Variants in MGMT observed in about 807,000 individuals in gnomAD.
MGMT encodes methylated-DNA--protein-cysteine methyltransferase.
Under a neutral mutation model 15.9 loss-of-function variants are expected in MGMT, and 14 were observed. The ratio of observed to expected loss-of-function variants is 0.88; its 90% CI spans 0.58 to 1.37. The LOEUF (loss-of-function observed/expected upper bound fraction) is 1.37. Among genes scored for constraint, MGMT ranks in the 40% most tolerant of loss-of-function variants. MGMT has a pLI of 0.00. For missense variants in MGMT, 282 were observed against 268.1 expected (o/e 1.05, Z -0.36); for synonymous variants, 130 against 118.2 (o/e 1.10, Z -0.65).
rs1353203272 is a variant in MGMT at position 129,769,327 on chromosome 10, A to G, written c.*2330A>G. On this transcript the variant is annotated 3_prime_UTR_variant, in exon 5 of 5. Coordinates refer to ENST00000651593, the MANE Select transcript of MGMT (RefSeq NM_002412.5). Reference sequence around the variant, plus strand: ...TGAAAAGCCAGCACGCGGGTCGCCTAGAGCCGCTCTGCCTCCAAGCTGCAG... The same window carrying G: ...TGAAAAGCCAGCACGCGGGTCGCCTGGAGCCGCTCTGCCTCCAAGCTGCAG... 2 of 152,252 alleles carry G rather than the reference A, an allele frequency of 1.3e-5. No individual in the cohort carries two copies. Among genetic ancestry groups the G allele is most frequent in the Non-Finnish European group, 2.9e-5 (2 of 68,070 alleles). The allele number at this position is 152,252 out of a possible 1,614,324, so 9.4% of individuals were successfully genotyped here. A position where few individuals can be genotyped will look rare whatever the true frequency, so the allele number is the denominator to read the frequency against.
intron 1 of MGMT, among the ~76,000 whole-genome samples, chr10:129,481,999 C>A (rs1468341807): frequency 6.6e-6 from 1 of 152,096 alleles, no homozygotes; most frequent in Non-Finnish European, 1.5e-5. Context: ...AGGCTTAGAT[C>A]ATTTGGTTTT....
chr10:129,491,830 T>G (rs1024241145), intron 1 of MGMT, among the ~76,000 whole-genome samples: 2 of 152,172 alleles, frequency 1.3e-5, no homozygotes, highest in Admixed American at 6.5e-5. Context: ...TTCTTCTCTT[T>G]CCCACTTATG....
At chr10:129,554,086 A>G (rs533014221) in intron 2 of MGMT, among the ~76,000 whole-genome samples, 59 of 152,334 alleles carry the variant, frequency 3.9e-4, no homozygotes, top group African/African-American at 1.4e-3. Context: ...CGTGCTGCCA[A>G]TGAGAAAGAT....
At chr10:129,506,898 G>C (rs1845631278) in intron 1 of MGMT, among the ~76,000 whole-genome samples, 2 of 152,072 alleles carry the variant, frequency 1.3e-5, no homozygotes, top group South Asian at 2.1e-4. Context: ...CATCTTCTCT[G>C]GGTTTCTTTG....
chr10:129,620,038 G>A (rs988597973), intron 2 of MGMT, among the ~76,000 whole-genome samples: 15 of 152,226 alleles, frequency 9.9e-5, no homozygotes, highest in African/African-American at 3.6e-4. Flanking sequence ...AACTATGTCA[G>A]CCTGACAGAC....
chr10:129,645,789 T>C (rs1350004660), intron 2 of MGMT, among the ~76,000 whole-genome samples: 1 of 152,182 alleles, frequency 6.6e-6, no homozygotes, highest in Non-Finnish European at 1.5e-5. Flanking sequence ...AGCCTGGGGA[T>C]GACTTTATGG....
intron 2 of MGMT, among the ~76,000 whole-genome samples, chr10:129,589,443 G>A (rs571326889): frequency 7.9e-5 from 12 of 152,334 alleles, no homozygotes; most frequent in African/African-American, 2.9e-4. Flanking sequence ...AACTCAGGTC[G>A]AATTTGGATT....
intron 2 of MGMT, among the ~76,000 whole-genome samples, chr10:129,673,288 A>AT (rs1475344686): frequency 1.3e-5 from 2 of 151,900 alleles, no homozygotes; most frequent in Admixed American, 1.3e-4. Flanking sequence ...CCACATCCCA[A>AT]TTTAAAAAAA....
At chr10:129,652,783 C>T (rs931259120) in intron 2 of MGMT, among the ~76,000 whole-genome samples, 1 of 152,246 alleles carries the variant, frequency 6.6e-6, no homozygotes, top group African/African-American at 2.4e-5. Flanking sequence ...GATTCCCTGC[C>T]ATGCAGGGCG....
chr10:129,640,315 C>G (rs972051655), intron 2 of MGMT, among the ~76,000 whole-genome samples: 1 of 152,042 alleles, frequency 6.6e-6, no homozygotes, highest in Non-Finnish European at 1.5e-5. Context: ...CCAGGCTGGT[C>G]TCAAACTCCT....
At chr10:129,678,227 A>G (rs1490927635) in intron 2 of MGMT, among the ~76,000 whole-genome samples, 1 of 152,164 alleles carries the variant, frequency 6.6e-6, no homozygotes, top group East Asian at 1.9e-4. Flanking sequence ...AGTGATGAGT[A>G]CTGTGTCTCC....
chr10:129,521,354 C>A (rs985478147), intron 1 of MGMT, among the ~76,000 whole-genome samples: 6 of 152,138 alleles, frequency 3.9e-5, no homozygotes, highest in Non-Finnish European at 7.4e-5. Flanking sequence ...GTGAGCGAGG[C>A]CCCGCCCAGC....
intron 2 of MGMT, among the ~76,000 whole-genome samples, chr10:129,592,689 T>C (rs1846700849): frequency 6.6e-6 from 1 of 152,138 alleles, no homozygotes; most frequent in South Asian, 2.1e-4. Flanking sequence ...GCCAGAGCCC[T>C]GTATGGAAAC....
chr10:129,615,381 T>C (rs887318993), intron 2 of MGMT, among the ~76,000 whole-genome samples: 2 of 152,126 alleles, frequency 1.3e-5, no homozygotes, highest in African/African-American at 4.8e-5. Flanking sequence ...CACTGTGTTT[T>C]CCTCTTGGGT....
At position 129,608,997 on chromosome 10, in the gene MGMT, G is replaced by A. The variant is rs1014540077; in HGVS notation, c.125+72620G>A. On this transcript the variant is annotated intron_variant, in intron 2 of 4. Transcript: ENST00000651593. ...TCCCTGTCGGGGCCTGCTCTCTCAT[G>A]TCACCTGCCGGCGGTGGCATGGAGA... 2.0e-5 allele frequency among the ~76,000 whole-genome samples: 3 copies of A among 152,230 alleles called. No individual in the cohort carries two copies. In the East Asian group the frequency reaches 5.8e-4, roughly 29 times the overall value.
At position 129,544,345 on chromosome 10, in the gene MGMT, A is replaced by G. The variant is rs1329992907; in HGVS notation, c.125+7968A>G. Among the ~76,000 whole-genome samples, 5 of 152,206 alleles carry G rather than the reference A, an allele frequency of 3.3e-5. No individual in the cohort carries two copies. In the East Asian group the frequency reaches 5.8e-4, roughly 18 times the overall value. On this transcript the variant is annotated intron_variant, in intron 2 of 4. Transcript: ENST00000651593. ...ATCGGCGTCTGTTCAGGTTTCAGGA[A>G]GGTCACTTCTTGGCTCAAATCCCTG... is the stretch of plus-strand genomic sequence containing the variant.
chr10:129,714,472 C>T (rs988970525), intron 3 of MGMT, among the ~76,000 whole-genome samples: 1 of 152,078 alleles, frequency 6.6e-6, no homozygotes, highest in Non-Finnish European at 1.5e-5. Context: ...TTACTCATAT[C>T]TCAGTTCATT....
At chr10:129,736,658 G>T (rs977036021) in intron 3 of MGMT, among the ~76,000 whole-genome samples, 1 of 152,142 alleles carries the variant, frequency 6.6e-6, no homozygotes, top group African/African-American at 2.4e-5. Flanking sequence ...TCCTAGTCTT[G>T]ATGGTCTACA....
rs557339084 is a variant in MGMT at position 129,619,219 on chromosome 10, G to T, written c.125+82842G>T. On this transcript the variant is annotated intron_variant, in intron 2 of 4. Coordinates refer to ENST00000651593, the MANE Select transcript of MGMT (RefSeq NM_002412.5). ...TTGCATCTGTTGTAATGTTTATGTG[G>T]TTTCTGTCTTTTATTCTGATCATAT... Among the ~76,000 whole-genome samples, 7 of 152,166 alleles carry T rather than the reference G, an allele frequency of 4.6e-5. No individual in the cohort carries two copies. The South Asian group carries it at 1.5e-3, about 32-fold the overall frequency.
Sources: gnomAD v4.1 joint callset for allele counts (sites outside exome capture counted in the v4.1 genomes callset) on GRCh38, gnomAD v4.1.1 for gene constraint, MANE v1.5 for transcripts, NCBI Gene and HGNC (gene_info 2026-07-23, HGNC 2026-07-21) for gene names.